The following H3-3A variants were observed in gnomAD, a reference collection of about 807,000 sequenced individuals.
H3-3A encodes histone H3.3.
For missense variants in H3-3A, 7 were observed against 184.0 expected, an observed-to-expected ratio of 0.04 and a Z score of 5.57; for synonymous variants, 49 against 61.4, an observed-to-expected ratio of 0.80 and a Z score of 0.95.
In H3-3A at chr1:226,064,338, G is replaced by A. The variant is rs1442450348; in HGVS notation, c.-14G>A. Reference sequence around the variant, plus strand: ...TTTTCAATGCTGGTAGGTAAGTAAGGAGGTCTCTGTACCATGGCTCGTACA... The same window carrying A: ...TTTTCAATGCTGGTAGGTAAGTAAGAAGGTCTCTGTACCATGGCTCGTACA... On this transcript the variant is annotated 5_prime_UTR_variant, in exon 2 of 4. Coordinates refer to ENST00000366815, the MANE Select transcript of H3-3A (RefSeq NM_002107.7). The A allele has an allele frequency of 6.2e-7, 1 of 1,607,676 alleles. No individual in the cohort carries two copies. The highest frequency in any genetic ancestry group is 1.1e-5 in the South Asian group (1 of 90,032).
In H3-3A at chr1:226,071,568, T is replaced by C. The variant is rs2102742767; in HGVS notation, c.*89T>C. On this transcript the variant is annotated 3_prime_UTR_variant, in exon 4 of 4. Coordinates refer to ENST00000366815, the MANE Select transcript of H3-3A (RefSeq NM_002107.7). ...GTTATTGGTAGTTCTGAACGTTAGA[T>C]ATTTTTTTTCCATGGGGTCAAAAGG... The C allele has an allele frequency of 1.7e-6, 1 of 585,886 alleles. No homozygotes were observed. Among genetic ancestry groups the C allele is most frequent in the Admixed American group, 3.6e-5 (1 of 27,606 alleles). 36.3% of individuals were successfully genotyped at this position (585,886 alleles called of 1,614,324 possible).
At chr1:226,065,480 T>G (rs1446224203) in intron 2 of H3-3A, among the ~76,000 whole-genome samples, 176 bp from the exon 3 acceptor site, 1 of 152,226 alleles carries the variant, frequency 6.6e-6, no homozygotes, top group African/African-American at 2.4e-5. Flanking sequence ...TTAAAGGTAT[T>G]GTTACTAGAT....
intron 3 of H3-3A, 70 bp downstream of exon 3, chr1:226,065,879 G>A (rs1023534160): frequency 8.7e-7 from 1 of 1,149,356 alleles, no homozygotes; most frequent in African/African-American, 1.5e-5. Flanking sequence ...CCAAATTGTT[G>A]CATGTGCTTA....
At chr1:226,062,317 C>T (rs539733599), upstream of H3-3A, among the ~76,000 whole-genome samples, 3 of 150,598 alleles carry the variant, frequency 2.0e-5, no homozygotes, top group South Asian at 6.2e-4. Context: ...CGCCGCGCCT[C>T]CGCCCGCCTT....
At chr1:226,070,043 A>G (rs899228990) in intron 3 of H3-3A, among the ~76,000 whole-genome samples, 1 of 152,194 alleles carries the variant, frequency 6.6e-6, no homozygotes, top group Non-Finnish European at 1.5e-5. Context: ...ACTTGAAAGG[A>G]TCTTACAGTC....
At chr1:226,064,623 A>G (rs568364865) in intron 2 of H3-3A, 144 bp downstream of exon 2, 120 of 613,290 alleles carry the variant, frequency 2.0e-4, no homozygotes, top group Non-Finnish European at 3.1e-4. Flanking sequence ...GCTTAAATAA[A>G]TGTACTGTAT....
At chr1:226,067,372 G>A (rs953947440) in intron 3 of H3-3A, 1 of 152,106 alleles carries the variant, frequency 6.6e-6, no homozygotes, top group African/African-American at 2.4e-5. Context: ...CTCTTTATTG[G>A]AAAGAGTGAT....
rs1485547427 is a variant in H3-3A at position 226,071,885 on chromosome 1, T to A, written c.*406T>A. On this transcript the variant is annotated 3_prime_UTR_variant, in exon 4 of 4. Coordinates refer to ENST00000366815, the MANE Select transcript of H3-3A (RefSeq NM_002107.7). Reference sequence around the variant, plus strand: ...GTAGCATTTTTATCATACAGTAGATTCCATCCATTCACTATACTTTTCTAA... The same window carrying A: ...GTAGCATTTTTATCATACAGTAGATACCATCCATTCACTATACTTTTCTAA... 4.7e-6 allele frequency: 1 copy of A among 212,960 alleles called. No homozygotes were observed. Among genetic ancestry groups the A allele is most frequent in the Non-Finnish European group, 9.4e-6 (1 of 106,558 alleles). The allele number at this position is 212,960 out of a possible 1,614,324, so 13.2% of individuals were successfully genotyped here. A position where few individuals can be genotyped will look rare whatever the true frequency, so the allele number is the denominator to read the frequency against.
At chr1:226,065,966 C>G (rs1657910175) in intron 3 of H3-3A, 157 bp downstream of exon 3, 1 of 678,874 alleles carries the variant, frequency 1.5e-6, no homozygotes, top group African/African-American at 1.8e-5. Flanking sequence ...TTAAATTGCT[C>G]AAGGTCATAC....
At chr1:226,069,078 A>G (rs1439513248) in intron 3 of H3-3A, among the ~76,000 whole-genome samples, 3 of 148,868 alleles carry the variant, frequency 2.0e-5, no homozygotes, top group Non-Finnish European at 3.0e-5. Flanking sequence ...GACGAGTCAC[A>G]CTCTGTCACC....
intron 3 of H3-3A, among the ~76,000 whole-genome samples, chr1:226,069,071 G>A (rs1268910769): frequency 6.8e-6 from 1 of 146,298 alleles, no homozygotes; most frequent in East Asian, 2.0e-4. Context: ...TTTTTGAGAC[G>A]AGTCACACTC....
At chr1:226,063,666 C>T (rs534490757) in intron 1 of H3-3A, among the ~76,000 whole-genome samples, 2 of 152,172 alleles carry the variant, frequency 1.3e-5, no homozygotes, top group African/African-American at 4.8e-5. Flanking sequence ...TTGGGGTGGA[C>T]CGGTCGGCGG....
At chr1:226,064,703 C>T (rs1576199867) in intron 2 of H3-3A, among the ~76,000 whole-genome samples, 1 of 152,016 alleles carries the variant, frequency 6.6e-6, no homozygotes, top group East Asian at 1.9e-4. Context: ...ATAATCTTAC[C>T]TGGAGGTCTA....
chr1:226,070,993 A>G (rs935171091), intron 3 of H3-3A, among the ~76,000 whole-genome samples: 2 of 152,190 alleles, frequency 1.3e-5, no homozygotes, highest in African/African-American at 4.8e-5. Flanking sequence ...TTTGGATTGG[A>G]CATGATTGCG....
Position 226,071,915 on chromosome 1 carries a change from G to A in H3-3A, c.*436G>A. ...CCATTCACTATACTTTTCTAACTGA[G>A]TTGTCCTACATGCAAGTACATGTTT... On this transcript the variant is annotated 3_prime_UTR_variant, in exon 4 of 4. Transcript: ENST00000366815. 4.6e-6 allele frequency: 1 copy of A among 217,248 alleles called. No individual in the cohort carries two copies. The highest frequency in any genetic ancestry group is 5.8e-5 in the Admixed American group (1 of 17,120). The allele number at this position is 217,248 out of a possible 1,614,324, so 13.5% of individuals were successfully genotyped here. A position where few individuals can be genotyped will look rare whatever the true frequency, so the allele number is the denominator to read the frequency against.
At chr1:226,069,326 C>G (rs1054086625) in intron 3 of H3-3A, among the ~76,000 whole-genome samples, 5 of 151,680 alleles carry the variant, frequency 3.3e-5, no homozygotes, top group Non-Finnish European at 7.4e-5. Flanking sequence ...GGATTACAGG[C>G]GTGAGCCACC....
At chr1:226,065,543 A>G (rs543093037) in intron 2 of H3-3A, 113 bp from the exon 3 acceptor site, 1 of 670,894 alleles carries the variant, frequency 1.5e-6, no homozygotes, top group Non-Finnish European at 2.5e-6. Context: ...GAAGCTGAAG[A>G]ATTGTTGGGT....
At chr1:226,065,629 AAC>A (rs1337754357) in intron 2 of H3-3A, 25 bp from the exon 3 acceptor site, 1 of 1,508,560 alleles carries the variant, frequency 6.6e-7, no homozygotes. Context: ...TGTTTTTGGT[AAC>A]AGTTTCTTTA....
intron 3 of H3-3A, among the ~76,000 whole-genome samples, chr1:226,068,868 T>C (rs187953480): frequency 1.3e-5 from 2 of 152,310 alleles, no homozygotes; most frequent in Admixed American, 6.5e-5. Flanking sequence ...GAGACAAGTA[T>C]GCGATTTTCT....
Sources: gnomAD v4.1 joint callset for allele counts (sites outside exome capture counted in the v4.1 genomes callset) on GRCh38, gnomAD v4.1.1 for gene constraint, MANE v1.5 for transcripts, NCBI Gene and HGNC (gene_info 2026-07-23, HGNC 2026-07-21) for gene names.